VPS13A: variants seen among roughly 807,000 people sequenced by gnomAD.
The protein encoded by VPS13A is intermembrane lipid transfer protein VPS13A.
Under a neutral mutation model 390.9 loss-of-function variants are expected in VPS13A, and 264 were observed. The observed-to-expected ratio is 0.68, with a 90% CI of 0.61 to 0.75. The LOEUF is 0.75. VPS13A is among the 30% of genes least tolerant of loss of function. The probability of loss-of-function intolerance (pLI) is 0.00; values close to 1 mark genes in which losing one functional copy is unlikely to be tolerated. For synonymous variants in VPS13A, 1,231 were observed against 1,227.1 expected (o/e 1.00, Z -0.07); for missense variants, 3,409 against 3,733.9 (o/e 0.91, Z 2.27).
intron 19 of VPS13A, among the ~76,000 whole-genome samples, chr9:77,242,306 A>T (rs55905941): frequency 2.0e-5 from 3 of 152,068 alleles, no homozygotes; most frequent in African/African-American, 7.2e-5. Context: ...TCACATTTTG[A>T]TAAGACCTTC....
chr9:77,369,415 A>C lies in VPS13A; in HGVS notation c.8667+3A>C. On this transcript the variant is annotated splice_donor_region_variant and intron_variant, in intron 63 of 71. Coordinates refer to ENST00000360280, the MANE Select transcript of VPS13A (RefSeq NM_033305.3). ...CATTTTTTTATGAACCTTACCAGGT[A>C]AAATAGTTATTTTTGTGGTTGTGCA... 2 of 1,557,170 alleles carry C rather than the reference A, an allele frequency of 1.3e-6. No homozygotes were observed. Among genetic ancestry groups the C allele is most frequent in the Non-Finnish European group, 1.8e-6 (2 of 1,128,334 alleles).
At chr9:77,287,436 ACCTG>A (rs1428402322) in intron 31 of VPS13A, among the ~76,000 whole-genome samples, 2 of 151,872 alleles carry the variant, frequency 1.3e-5, no homozygotes, top group African/African-American at 4.8e-5. Context: ...CAGGCGATCT[ACCTG>A]CCTCGGTCTC....
At chr9:77,178,897 C>T (rs778714648) in intron 1 of VPS13A, among the ~76,000 whole-genome samples, 1 of 152,170 alleles carries the variant, frequency 6.6e-6, no homozygotes, top group Non-Finnish European at 1.5e-5. Context: ...CTTACCTTGA[C>T]TCTTCTCGTT....
At chr9:77,179,508 C>T (rs913185555) in intron 1 of VPS13A, among the ~76,000 whole-genome samples, 8 of 152,272 alleles carry the variant, frequency 5.3e-5, no homozygotes, top group African/African-American at 1.7e-4. Context: ...GGATTACAGG[C>T]GTGAGCCACT....
At chr9:77,407,399 C>T in intron 70 of VPS13A, 134 bp from the exon 71 acceptor site, 1 of 651,022 alleles carries the variant, frequency 1.5e-6, no homozygotes. Flanking sequence ...CTTCCTCATT[C>T]TTGTCTTTTT....
chr9:77,303,877 A>G (rs1052974213), intron 34 of VPS13A, among the ~76,000 whole-genome samples: 2 of 152,146 alleles, frequency 1.3e-5, no homozygotes, highest in African/African-American at 4.8e-5. Context: ...GAATTGAACA[A>G]ATGTACAATT....
At chr9:77,362,452 C>G (rs993372676) in intron 59 of VPS13A, among the ~76,000 whole-genome samples, 3 of 152,226 alleles carry the variant, frequency 2.0e-5, no homozygotes, top group African/African-American at 7.2e-5. Flanking sequence ...TAACAACACA[C>G]ATGTGATTTT....
intron 23 of VPS13A, among the ~76,000 whole-genome samples, chr9:77,272,051 A>C (rs1001008050): frequency 2.1e-5 from 2 of 97,362 alleles, no homozygotes; most frequent in Admixed American, 1.9e-4. Flanking sequence ...AATGTGCTTA[A>C]AAAAAATGCT....
intron 15 of VPS13A, among the ~76,000 whole-genome samples, chr9:77,227,076 A>G (rs1823559494): frequency 1.3e-5 from 2 of 152,186 alleles, no homozygotes; most frequent in Admixed American, 1.3e-4. Flanking sequence ...AGGAAATTAC[A>G]ATGTTAATAC....
intron 5 of VPS13A, among the ~76,000 whole-genome samples, chr9:77,207,580 G>A (rs1270886028): frequency 5.9e-5 from 9 of 151,430 alleles, no homozygotes; most frequent in African/African-American, 2.2e-4. Flanking sequence ...TGTTTATTTT[G>A]TAGGCTTTTA....
intron 71 of VPS13A, among the ~76,000 whole-genome samples, chr9:77,415,353 T>C (rs888570896): frequency 2.0e-5 from 3 of 152,192 alleles, no homozygotes; most frequent in African/African-American, 7.2e-5. Context: ...TCTTTTAAGT[T>C]AAAGAGGTAC....
chr9:77,384,543 T>C (rs773076931), intron 68 of VPS13A: 3 of 1,610,328 alleles, frequency 1.9e-6, no homozygotes, highest in South Asian at 1.1e-5. Flanking sequence ...TGCCATACTC[T>C]ACTAACCTTT....
At chr9:77,309,430 C>T (rs1828943139) in intron 35 of VPS13A, among the ~76,000 whole-genome samples, 1 of 152,110 alleles carries the variant, frequency 6.6e-6, no homozygotes, top group South Asian at 2.1e-4. Context: ...CTCCTTTTAT[C>T]TGCAGGGAAT....
chr9:77,413,913 T>C (rs1456517001), intron 71 of VPS13A, among the ~76,000 whole-genome samples: 3 of 151,866 alleles, frequency 2.0e-5, no homozygotes. Flanking sequence ...AACAGCCCCA[T>C]CAAAAAGTGG....
intron 68 of VPS13A, 120 bp from the exon 69 acceptor site, chr9:77,403,116 T>A: frequency 1.5e-6 from 1 of 679,902 alleles, no homozygotes; most frequent in East Asian, 2.7e-5. Flanking sequence ...ATTAAATGTT[T>A]TCTCTATGTT....
In VPS13A at chr9:77,368,103, A is replaced by G. The variant is rs1832536403; in HGVS notation, c.8520A>G (p.Leu2840=). The part of the protein sequence containing the change: ...LNYQFHTTSD[L]QSEVIRHYSK... ...ATCAGTTCCATACAACATCCGATCT[A>G]CAGTCTGAAGTCATAAGACACTATT... is the stretch of plus-strand genomic sequence containing the variant. Residue 2840 remains leucine, a synonymous_variant, in exon 62 of 72, where the codon CTA becomes CTG. Coordinates refer to ENST00000360280, the MANE Select transcript of VPS13A (RefSeq NM_033305.3). The G allele has an allele frequency of 3.1e-6, 5 of 1,612,638 alleles. No homozygotes were observed. The highest frequency in any genetic ancestry group is 2.7e-5 in the African/African-American group (2 of 75,028).
At chr9:77,382,331 C>T in intron 68 of VPS13A, 2 of 1,538,818 alleles carry the variant, frequency 1.3e-6, no homozygotes, top group Non-Finnish European at 8.7e-7. Flanking sequence ...AAGTGAAAGC[C>T]AACAGTAGAT....
chr9:77,282,817 G>C (rs1182280066), intron 29 of VPS13A, among the ~76,000 whole-genome samples: 1 of 152,052 alleles, frequency 6.6e-6, no homozygotes, highest in Non-Finnish European at 1.5e-5. Flanking sequence ...GCATGGTGGT[G>C]TTTGTCTGTA....
Position 77,276,313 on chromosome 9 carries a change from A to G in VPS13A, c.2824+92A>G, listed in dbSNP as rs1164190756. 9 of 1,188,956 alleles carry G rather than the reference A, an allele frequency of 7.6e-6. 1 individual carries two copies. The highest frequency in any genetic ancestry group is 2.6e-5 in the East Asian group (1 of 37,898). The allele number at this position is 1,188,956 out of a possible 1,614,324, so 73.7% of individuals were successfully genotyped here. A position where few individuals can be genotyped will look rare whatever the true frequency, so the allele number is the denominator to read the frequency against. On this transcript the variant is annotated intron_variant, in intron 26 of 71. Coordinates refer to ENST00000360280, the MANE Select transcript of VPS13A (RefSeq NM_033305.3). The stretch of plus-strand genomic sequence containing the variant: ...TCAATTCTTTAGGCTCTGAATCAGT[A>G]CATTTGCTGAAATATTCTCAGAGAA...
Sources: gnomAD v4.1 joint callset for allele counts (sites outside exome capture counted in the v4.1 genomes callset) on GRCh38, gnomAD v4.1.1 for gene constraint, MANE v1.5 for transcripts, NCBI Gene and HGNC (gene_info 2026-07-23, HGNC 2026-07-21) for gene names.